The following RHOJ variants were observed in gnomAD, a reference collection of about 807,000 sequenced individuals.
RHOJ encodes the protein ras homolog family member J, also known as rho-related GTP-binding protein RhoJ.
In RHOJ, 11 loss-of-function variants were observed where a neutral mutation model predicts 23.4. The ratio of observed to expected loss-of-function variants is 0.47; its 90% CI spans 0.30 to 0.78. The LOEUF (loss-of-function observed/expected upper bound fraction) is 0.78, where lower values mean the gene tolerates loss of function less well. RHOJ is among the 30% of genes least tolerant of loss of function. The pLI, the probability that RHOJ is intolerant of heterozygous loss-of-function variation, is 0.08. For synonymous variants in RHOJ, 102 were observed against 102.7 expected (o/e 0.99, Z 0.04); for missense variants, 254 against 273.4 (o/e 0.93, Z 0.50).
At chr14:63,263,430 TTTGA>T (rs1895308431) in intron 1 of RHOJ, among the ~76,000 whole-genome samples, 1 of 152,222 alleles carries the variant, frequency 6.6e-6, no homozygotes, top group Non-Finnish European at 1.5e-5. Context: ...ACCCTCAATG[TTTGA>T]TTGACATTTG....
chr14:63,286,729 TC>T (rs1183838505), intron 4 of RHOJ, among the ~76,000 whole-genome samples: 1 of 152,182 alleles, frequency 6.6e-6, no homozygotes, highest in African/African-American at 2.4e-5. Context: ...CATGTATTCT[TC>T]AGTCTGCCAC....
chr14:63,208,062 G>C lies in RHOJ; in HGVS notation c.178+3015G>C, dbSNP rs558421889. On this transcript the variant is annotated intron_variant, in intron 1 of 4. Transcript: ENST00000316754. ...GTGTATGTATTTTCTTCATAAAATA[G>C]TTACCATGTTTACTGATAATTAACA... 3.3e-5 allele frequency among the ~76,000 whole-genome samples: 5 copies of C among 152,276 alleles called. No individual in the cohort carries two copies. In the South Asian group the frequency reaches 1.0e-3, roughly 32 times the overall value.
chr14:63,240,905 G>A (rs1456271492), intron 1 of RHOJ, among the ~76,000 whole-genome samples: 2 of 152,094 alleles, frequency 1.3e-5, no homozygotes, highest in African/African-American at 4.8e-5. Context: ...TCCATGAAAC[G>A]GCAACTCACT....
chr14:63,251,214 C>T (rs1349399054), intron 1 of RHOJ, among the ~76,000 whole-genome samples: 1 of 152,130 alleles, frequency 6.6e-6, no homozygotes, highest in African/African-American at 2.4e-5. Flanking sequence ...ATTCTGTTTT[C>T]TTCACCCATG....
chr14:63,271,680 C>T (rs1036193132), intron 2 of RHOJ, among the ~76,000 whole-genome samples: 81 of 152,248 alleles, frequency 5.3e-4, no homozygotes, highest in African/African-American at 1.8e-3. Context: ...CTGCAACCTC[C>T]GCTTCCCGAG....
rs1882235847 is a variant in RHOJ at position 63,291,074 on chromosome 14, A to G, written c.*50A>G. ...CCATCCAGGGATGAGAATGGCAGCC[A>G]ATCTCTGTGGCCAAGCTCCAGCCAA... is the stretch of plus-strand genomic sequence containing the variant. On this transcript the variant is annotated 3_prime_UTR_variant, in exon 5 of 5. Transcript: ENST00000316754. 6.2e-7 allele frequency: 1 copy of G among 1,606,280 alleles called. No homozygotes were observed. Among genetic ancestry groups the G allele is most frequent in the Non-Finnish European group, 8.5e-7 (1 of 1,175,148 alleles).
rs57848893 is a variant in RHOJ at position 63,230,841 on chromosome 14, C to CTTTTTTTTTTTTTT, written c.178+25799_178+25812dup. 2.1e-5 allele frequency among the ~76,000 whole-genome samples: 2 copies of CTTTTTTTTTTTTTT among 95,274 alleles called. 1 individual carries two copies. Among genetic ancestry groups the CTTTTTTTTTTTTTT allele is most frequent in the African/African-American group, 1.0e-4 (2 of 19,802 alleles). 62.5% of individuals were successfully genotyped at this position (95,274 alleles called of 152,430 possible). A position where few individuals can be genotyped will look rare whatever the true frequency, so the allele number is the denominator to read the frequency against. ...AATGGAAGTTTACAAGGGTACAAGG[C>CTTTTTTTTTTTTTT]TTTTTTTTTTTTTTTTTTAGATGGA... is the stretch of plus-strand genomic sequence containing the variant. On this transcript the variant is annotated intron_variant, in intron 1 of 4. Transcript: ENST00000316754.
intron 1 of RHOJ, among the ~76,000 whole-genome samples, chr14:63,258,853 C>T (rs1895224989): frequency 6.6e-6 from 1 of 152,200 alleles, no homozygotes; most frequent in African/African-American, 2.4e-5. Context: ...GCATTTTTGG[C>T]TGCAGGTACT....
Position 63,270,459 on chromosome 14 carries a change from C to T in RHOJ, c.237+1291C>T, listed in dbSNP as rs74824028. ...CGCCAGGAACTGGGAGTGGTAGCAACCTCTCACGCCAATAGCAAGACATAC... is the reference window on the plus strand; with the variant it reads ...CGCCAGGAACTGGGAGTGGTAGCAATCTCTCACGCCAATAGCAAGACATAC... On this transcript the variant is annotated intron_variant, in intron 2 of 4. Coordinates refer to ENST00000316754, the MANE Select transcript of RHOJ (RefSeq NM_020663.5). Among the ~76,000 whole-genome samples, 214 of 152,256 alleles carry T rather than the reference C, an allele frequency of 1.4e-3. 5 individuals carry two copies. In the East Asian group the frequency reaches 0.023, roughly 16 times the overall value.
At chr14:63,205,966 A>G (rs1343581686) in intron 1 of RHOJ, among the ~76,000 whole-genome samples, 1 of 152,206 alleles carries the variant, frequency 6.6e-6, no homozygotes, top group African/African-American at 2.4e-5. Flanking sequence ...TAACTTTTTT[A>G]TCATAGTGAT....
chr14:63,244,013 T>C (rs1220122338), intron 1 of RHOJ, among the ~76,000 whole-genome samples: 1 of 152,236 alleles, frequency 6.6e-6, no homozygotes, highest in Non-Finnish European at 1.5e-5. Context: ...TGATTAACAG[T>C]ACATATTCCT....
At chr14:63,247,139 A>G (rs549828569) in intron 1 of RHOJ, among the ~76,000 whole-genome samples, 1 of 152,318 alleles carries the variant, frequency 6.6e-6, no homozygotes, top group Non-Finnish European at 1.5e-5. Context: ...AGAATGAAGA[A>G]TGGAGTAGCC....
In RHOJ at chr14:63,271,785, C is replaced by T. The variant is rs1450979979; in HGVS notation, c.237+2617C>T. On this transcript the variant is annotated intron_variant, in intron 2 of 4. Transcript: ENST00000316754. ...AATTTTTGTGTTTTTTTTCTAGAGA[C>T]GGAGGTTTCACCATGTTGCCCAGGC... is the stretch of plus-strand genomic sequence containing the variant. Among the ~76,000 whole-genome samples the T allele has an allele frequency of 4.6e-5, 7 of 152,170 alleles. No homozygotes were observed. In the South Asian group the frequency reaches 6.2e-4, roughly 14 times the overall value.
chr14:63,231,227 C>T (rs533761526), intron 1 of RHOJ, among the ~76,000 whole-genome samples: 12 of 152,196 alleles, frequency 7.9e-5, no homozygotes, highest in Admixed American at 2.6e-4. Flanking sequence ...TTAGTTCTTC[C>T]GCAATTCCAA....
chr14:63,230,136 T>C (rs1191992902), intron 1 of RHOJ, among the ~76,000 whole-genome samples: 1 of 151,750 alleles, frequency 6.6e-6, no homozygotes, highest in African/African-American at 2.4e-5. Context: ...CAAAGGTATG[T>C]GTATGGACAA....
At chr14:63,229,665 T>C (rs1460504520) in intron 1 of RHOJ, among the ~76,000 whole-genome samples, 1 of 152,096 alleles carries the variant, frequency 6.6e-6, no homozygotes, top group African/African-American at 2.4e-5. Flanking sequence ...AACAGATTCT[T>C]CTCTTGTTTT....
intron 2 of RHOJ, among the ~76,000 whole-genome samples, chr14:63,279,018 G>C (rs977398798): frequency 2.6e-5 from 4 of 152,120 alleles, no homozygotes; most frequent in African/African-American, 9.7e-5. Context: ...AAAATGTTTG[G>C]AAGGACAATG....
chr14:63,244,230 T>C (rs1227258309), intron 1 of RHOJ, among the ~76,000 whole-genome samples: 1 of 152,142 alleles, frequency 6.6e-6, no homozygotes, highest in Non-Finnish European at 1.5e-5. Flanking sequence ...CTATTGTTGC[T>C]ATTATTGTTG....
At chr14:63,262,395 C>T (rs1468889675) in intron 1 of RHOJ, among the ~76,000 whole-genome samples, 1 of 152,300 alleles carries the variant, frequency 6.6e-6, no homozygotes, top group Admixed American at 6.5e-5. Context: ...CACTCCAATT[C>T]ACTCAAAGAA....
Sources: allele counts gnomAD v4.1 joint callset (sites outside exome capture counted in the v4.1 genomes callset), GRCh38; gene constraint gnomAD v4.1.1; transcripts MANE v1.5; gene names NCBI Gene and HGNC (gene_info 2026-07-23, HGNC 2026-07-21).